Variants in CCNY observed in about 807,000 individuals in gnomAD.
CCNY encodes cyclin Y.
A neutral mutation model predicts 42.8 loss-of-function variants in CCNY; 19 were observed. The ratio of observed to expected loss-of-function variants is 0.44; its 90% CI spans 0.31 to 0.65. The LOEUF is 0.65. Ranked by LOEUF, CCNY falls within the 30% of genes least tolerant of loss-of-function variation. The probability of loss-of-function intolerance (pLI) is 0.07; values close to 1 mark genes in which losing one functional copy is unlikely to be tolerated. For synonymous variants in CCNY, 165 were observed against 162.7 expected (o/e 1.01, Z -0.11); for missense variants, 370 against 437.3 (o/e 0.85, Z 1.37).
intron 3 of CCNY, among the ~76,000 whole-genome samples, chr10:35,258,944 A>AG (rs2135029174): frequency 6.6e-6 from 1 of 151,698 alleles, no homozygotes; most frequent in South Asian, 2.1e-4. Context: ...AAAAAAAAAA[A>AG]AAAAAGGAAA....
intron 1 of CCNY, among the ~76,000 whole-genome samples, chr10:35,428,918 C>T (rs1247101327): frequency 6.6e-6 from 1 of 152,094 alleles, no homozygotes; most frequent in Non-Finnish European, 1.5e-5. Context: ...GCCTTTGGGC[C>T]CCTTACTTAG....
At chr10:35,375,784 A>G (rs1837039181) in intron 1 of CCNY, among the ~76,000 whole-genome samples, 1 of 152,232 alleles carries the variant, frequency 6.6e-6, no homozygotes, top group Admixed American at 6.5e-5. Context: ...TAGGTGAAGC[A>G]GGTTCTTAGC....
intron 3 of CCNY, among the ~76,000 whole-genome samples, chr10:35,294,766 T>C (rs759964688): frequency 6.6e-5 from 10 of 152,230 alleles, no homozygotes; most frequent in African/African-American, 1.2e-4. Context: ...TAGAATGATT[T>C]GGGAAGCATT....
chr10:35,252,363 G>C (rs2095712544), intron 3 of CCNY, among the ~76,000 whole-genome samples: 2 of 151,922 alleles, frequency 1.3e-5, no homozygotes, highest in Admixed American at 6.6e-5. Flanking sequence ...CAGGAGATTG[G>C]GGCCAAACTG....
chr10:35,272,110 C>T (rs1835177813), intron 3 of CCNY, among the ~76,000 whole-genome samples: 1 of 152,270 alleles, frequency 6.6e-6, no homozygotes, highest in Admixed American at 6.5e-5. Context: ...CCTCAGCCTC[C>T]TGAGTAGCTG....
intron 1 of CCNY, among the ~76,000 whole-genome samples, chr10:35,384,640 C>G (rs1837264390): frequency 6.6e-6 from 1 of 152,072 alleles, no homozygotes; most frequent in African/African-American, 2.4e-5. Flanking sequence ...GGGGTGGGTA[C>G]ACATCACGAC....
chr10:35,415,007 G>C (rs1421168821), intron 1 of CCNY, among the ~76,000 whole-genome samples: 1 of 152,204 alleles, frequency 6.6e-6, no homozygotes, highest in Non-Finnish European at 1.5e-5. Flanking sequence ...GATCATTCTA[G>C]GCGGAGGGAA....
chr10:35,412,106 G>A (rs1837919215), intron 1 of CCNY, among the ~76,000 whole-genome samples: 1 of 152,158 alleles, frequency 6.6e-6, no homozygotes, highest in South Asian at 2.1e-4. Flanking sequence ...TGCCATGTTT[G>A]CCTCCATCTA....
At position 35,283,062 on chromosome 10, in the gene CCNY, A is replaced by T. The variant is rs1001790917; in HGVS notation, c.-9+32436A>T. 1.7e-3 allele frequency among the ~76,000 whole-genome samples: 256 copies of T among 152,266 alleles called. 4 individuals carry two copies. The highest frequency in any genetic ancestry group is 3.4e-3 in the Middle Eastern group (1 of 294). On this transcript the variant is annotated intron_variant, in intron 3 of 11. Transcript: ENST00000374706. Reference sequence around the variant, plus strand: ...GGGATCATTGAGGGTACAGTTCTTGAGTCTGTAGCATTAATGAAGGCAGTG... The same window carrying T: ...GGGATCATTGAGGGTACAGTTCTTGTGTCTGTAGCATTAATGAAGGCAGTG...
At chr10:35,340,509 T>G (rs1836153896) in intron 1 of CCNY, among the ~76,000 whole-genome samples, 1 of 151,018 alleles carries the variant, frequency 6.6e-6, no homozygotes, top group South Asian at 2.1e-4. Context: ...TCATTCTTTT[T>G]TTTTTTTTTT....
chr10:35,258,933 TAAAAA>T (rs56328003), intron 3 of CCNY, among the ~76,000 whole-genome samples: 2 of 135,746 alleles, frequency 1.5e-5, no homozygotes, highest in Non-Finnish European at 3.2e-5. Context: ...GAGACTGTCT[TAAAAA>T]AAAAAAAAAA....
At chr10:35,557,612 T>G (rs908247230) in intron 8 of CCNY, among the ~76,000 whole-genome samples, 5 of 151,970 alleles carry the variant, frequency 3.3e-5, no homozygotes, top group African/African-American at 4.8e-5. Flanking sequence ...AAAAATTAGC[T>G]GGTACTGGTG....
chr10:35,335,588 G>A (rs1030342308), upstream of CCNY, among the ~76,000 whole-genome samples: 1 of 151,980 alleles, frequency 6.6e-6, no homozygotes, highest in Non-Finnish European at 1.5e-5. Flanking sequence ...CAGGTGCCGT[G>A]GCTCATGCCC....
chr10:35,386,677 G>A (rs965654026), intron 1 of CCNY, among the ~76,000 whole-genome samples: 2 of 152,120 alleles, frequency 1.3e-5, no homozygotes, highest in East Asian at 1.9e-4. Context: ...AATATTGACC[G>A]AGTTGAAGGA....
chr10:35,322,131 G>A (rs1046190627), intron 3 of CCNY, among the ~76,000 whole-genome samples: 2 of 152,156 alleles, frequency 1.3e-5, no homozygotes, highest in African/African-American at 4.8e-5. Context: ...CGAAGCGGGT[G>A]GATCACCAGG....
At chr10:35,366,470 A>C (rs776371273) in intron 1 of CCNY, among the ~76,000 whole-genome samples, 1 of 152,238 alleles carries the variant, frequency 6.6e-6, no homozygotes, top group Non-Finnish European at 1.5e-5. Context: ...TAATATTTGC[A>C]GATTTCAACT....
intron 1 of CCNY, among the ~76,000 whole-genome samples, chr10:35,444,740 G>C (rs1838754689): frequency 1.3e-5 from 2 of 152,164 alleles, no homozygotes; most frequent in African/African-American, 4.8e-5. Flanking sequence ...CTGAATTTTT[G>C]TTTTAAAATT....
chr10:35,266,523 C>A (rs555462555), intron 3 of CCNY, among the ~76,000 whole-genome samples: 15 of 152,052 alleles, frequency 9.9e-5, no homozygotes, highest in African/African-American at 3.4e-4. Context: ...CACATTTCTC[C>A]TGTTCTATTA....
chr10:35,396,203 G>C (rs1373051378), intron 1 of CCNY, among the ~76,000 whole-genome samples: 2 of 152,214 alleles, frequency 1.3e-5, no homozygotes, highest in Non-Finnish European at 2.9e-5. Context: ...ATGGTGGTAG[G>C]ATCGGGGGAT....
Sources: allele counts gnomAD v4.1 joint callset (sites outside exome capture counted in the v4.1 genomes callset), GRCh38; gene constraint gnomAD v4.1.1; transcripts MANE v1.5; gene names NCBI Gene and HGNC (gene_info 2026-07-23, HGNC 2026-07-21).